Variants in DENND2A observed in about 807,000 individuals in gnomAD.
The protein encoded by DENND2A is DENN domain-containing protein 2A.
Under a neutral mutation model 105.3 loss-of-function variants are expected in DENND2A, and 53 were observed. That is an observed-to-expected ratio of 0.50 (90% CI 0.40 to 0.63). The LOEUF is 0.63. DENND2A is among the 30% of genes least tolerant of loss of function. The pLI is 0.00. For missense variants in DENND2A, 1,138 were observed against 1,279.6 expected, an observed-to-expected ratio of 0.89 and a Z score of 1.69; for synonymous variants, 522 against 508.4, an observed-to-expected ratio of 1.03 and a Z score of -0.36.
chr7:140,627,638 C>G (rs957962296), intron 1 of DENND2A, among the ~76,000 whole-genome samples: 2 of 152,024 alleles, frequency 1.3e-5, no homozygotes, highest in African/African-American at 4.8e-5. Context: ...CCTCCTGCCT[C>G]AGCCTCCCAA....
In DENND2A at chr7:140,527,607, G is replaced by T; in HGVS notation, c.2328-112C>A. 2 of 1,158,950 alleles carry T rather than the reference G, an allele frequency of 1.7e-6. No individual in the cohort carries two copies. The highest frequency in any genetic ancestry group is 2.4e-6 in the Non-Finnish European group (2 of 838,632). 71.8% of individuals were successfully genotyped at this position (1,158,950 alleles called of 1,614,324 possible). On this transcript the variant is annotated intron_variant, in intron 14 of 19. Transcript: ENST00000496613. The surrounding 1 kb of genome is among the most constrained non-coding windows in gnomAD (Gnocchi z 4.9). Reference sequence around the variant, plus strand: ...GGATGACTAGGAAAGGACACACGTGGATGTGGATCCGGTGGAGCACATGAT... The same window carrying T: ...GGATGACTAGGAAAGGACACACGTGTATGTGGATCCGGTGGAGCACATGAT...
At chr7:140,625,098 C>T (rs1219621204) in intron 1 of DENND2A, among the ~76,000 whole-genome samples, 1 of 152,110 alleles carries the variant, frequency 6.6e-6, no homozygotes, top group Non-Finnish European at 1.5e-5. Flanking sequence ...GCCATGAGGC[C>T]AGGCACGGTG....
rs1044185493 is a variant in DENND2A, at chr7:140,623,751, T to C, written c.-248+16753A>G. ...AAAAAAAAAAAGAGCATATGGAAAGTGTCACAACAGGAAGATCTGCTGAAC... is the reference window on the plus strand; with the variant it reads ...AAAAAAAAAAAGAGCATATGGAAAGCGTCACAACAGGAAGATCTGCTGAAC... On this transcript the variant is annotated intron_variant, in intron 1 of 19. Coordinates refer to ENST00000496613, the MANE Select transcript of DENND2A (RefSeq NM_015689.5). Among the ~76,000 whole-genome samples, 6 of 149,222 alleles carry C rather than the reference T, an allele frequency of 4.0e-5. No individual in the cohort carries two copies. The South Asian group carries it at 6.3e-4, about 16-fold the overall frequency.
At chr7:140,578,745 G>T (rs981391742) in intron 5 of DENND2A, among the ~76,000 whole-genome samples, 1 of 152,142 alleles carries the variant, frequency 6.6e-6, no homozygotes, top group Non-Finnish European at 1.5e-5. Context: ...GCTGGGTGTG[G>T]TAGTGGGCAC....
intron 1 of DENND2A, chr7:140,610,102 A>G (rs1030920656): frequency 6.6e-6 from 1 of 151,538 alleles, no homozygotes; most frequent in Non-Finnish European, 1.5e-5. Context: ...AGTAGCTGGG[A>G]CTACAGGCAT....
intron 7 of DENND2A, among the ~76,000 whole-genome samples, chr7:140,569,365 T>C (rs1797996188): frequency 6.6e-6 from 1 of 152,216 alleles, no homozygotes; most frequent in African/African-American, 2.4e-5. Context: ...TGGCCCCTTT[T>C]GTGCAGGCTA....
chr7:140,632,864 C>CTTTT (rs1158154967), intron 1 of DENND2A, among the ~76,000 whole-genome samples: 1 of 117,258 alleles, frequency 8.5e-6, no homozygotes, highest in Non-Finnish European at 1.8e-5. Context: ...CATGCCTGGC[C>CTTTT]TTTTTTTTTT....
At chr7:140,629,647 A>G (rs1800663027) in intron 1 of DENND2A, among the ~76,000 whole-genome samples, 1 of 152,172 alleles carries the variant, frequency 6.6e-6, no homozygotes, top group South Asian at 2.1e-4. Context: ...AGAGTGGTAC[A>G]TTCAAGAGGC....
intron 1 of DENND2A, among the ~76,000 whole-genome samples, chr7:140,607,572 C>A (rs1799739553): frequency 6.6e-6 from 1 of 152,162 alleles, no homozygotes. Context: ...GGCCCCAGGG[C>A]TTGCCCATCC....
At position 140,567,290 on chromosome 7, in the gene DENND2A, GAGAGAAAGAGAGAA is replaced by G. The variant is rs1563146484; in HGVS notation, c.1592-31_1592-18del. The G allele has an allele frequency of 4.3e-6, 5 of 1,160,892 alleles. No homozygotes were observed. The highest frequency in any genetic ancestry group is 4.0e-5 in the African/African-American group (2 of 49,750). The allele number at this position is 1,160,892 out of a possible 1,614,324, so 71.9% of individuals were successfully genotyped here. A position where few individuals can be genotyped will look rare whatever the true frequency, so the allele number is the denominator to read the frequency against. On this transcript the variant is annotated intron_variant, in intron 8 of 19. Transcript: ENST00000496613. Reference sequence around the variant, plus strand: ...GGCTGTGAGCTGGGTGAGGGAGGGAGAGAGAAAGAGAGAAAGAGAGAGAGAGAGAGAGAGAGAGA... The same window carrying G: ...GGCTGTGAGCTGGGTGAGGGAGGGAGAGAGAGAGAGAGAGAGAGAGAGAGA...
intron 14 of DENND2A, among the ~76,000 whole-genome samples, chr7:140,536,316 C>T (rs1271392766): frequency 1.3e-5 from 2 of 151,766 alleles, no homozygotes; most frequent in Non-Finnish European, 2.9e-5. Context: ...GATCATGCCA[C>T]TGCACTCCAG....
At chr7:140,577,399 C>CTT (rs60840763) in intron 5 of DENND2A, among the ~76,000 whole-genome samples, 4 of 141,960 alleles carry the variant, frequency 2.8e-5, no homozygotes, top group Non-Finnish European at 3.1e-5. Flanking sequence ...AAAACTTTTT[C>CTT]TTTTTTTTTT....
intron 4 of DENND2A, among the ~76,000 whole-genome samples, chr7:140,586,099 G>A (rs1300397086): frequency 3.9e-5 from 6 of 152,084 alleles, no homozygotes; most frequent in Non-Finnish European, 8.8e-5. Context: ...CAGGATTTCT[G>A]CTGGGACTTG....
chr7:140,568,538 G>T (rs995866512), intron 8 of DENND2A, among the ~76,000 whole-genome samples: 8 of 152,162 alleles, frequency 5.3e-5, no homozygotes, highest in African/African-American at 1.7e-4. Flanking sequence ...GGTCGCTGCC[G>T]TTACTGCAGC....
At chr7:140,587,328 G>A (rs951089995) in intron 4 of DENND2A, among the ~76,000 whole-genome samples, 2 of 152,030 alleles carry the variant, frequency 1.3e-5, no homozygotes, top group African/African-American at 2.4e-5. Flanking sequence ...AATGTCCTGC[G>A]GCCAACAGGC....
At chr7:140,580,839 G>T (rs899774359) in intron 5 of DENND2A, among the ~76,000 whole-genome samples, 1 of 151,398 alleles carries the variant, frequency 6.6e-6, no homozygotes, top group Non-Finnish European at 1.5e-5. Flanking sequence ...GTTTCACCAT[G>T]TTGGCCAGGC....
chr7:140,525,642 C>A lies in DENND2A; in HGVS notation c.2547+109G>T. On this transcript the variant is annotated intron_variant, in intron 16 of 19. Coordinates refer to ENST00000496613, the MANE Select transcript of DENND2A (RefSeq NM_015689.5). Reference sequence around the variant, plus strand: ...CCGTCCTGGGGTCACACAGCTCTGCCACCCTGCTCTGCAATCCCAAAGAGC... The same window carrying A: ...CCGTCCTGGGGTCACACAGCTCTGCAACCCTGCTCTGCAATCCCAAAGAGC... 2 of 1,023,298 alleles carry A rather than the reference C, an allele frequency of 2.0e-6. 1 individual carries two copies. The highest frequency in any genetic ancestry group is 5.9e-5 in the East Asian group (2 of 33,796). 63.4% of individuals were successfully genotyped at this position (1,023,298 alleles called of 1,614,324 possible).
At chr7:140,621,414 T>C (rs114549242) in intron 1 of DENND2A, among the ~76,000 whole-genome samples, 1,742 of 147,754 alleles carry the variant, frequency 0.012, 43 homozygotes, top group African/African-American at 0.04. Context: ...ATAGTTGTTA[T>C]ACTGTGTTGT....
Position 140,602,272 on chromosome 7 carries a change from C to T in DENND2A, c.126G>A (p.Lys42=). ...ATATCTTGTCCTTTATGTTGAGGGA[C>T]TTGTGCCGGGGTCTGGCTCTGGCAG... ...CPSARARPRH[K]SLNIKDKISE... Residue 42 remains lysine (K), a synonymous_variant, in exon 3 of 20, where the codon AAG becomes AAA. Transcript: ENST00000496613. The T allele has an allele frequency of 6.2e-7, 1 of 1,612,380 alleles. No homozygotes were observed. Among genetic ancestry groups the T allele is most frequent in the Non-Finnish European group, 8.5e-7 (1 of 1,180,020 alleles).
Sources: gnomAD v4.1 joint callset for allele counts (sites outside exome capture counted in the v4.1 genomes callset) on GRCh38, gnomAD v4.1.1 for gene constraint, Gnocchi (gnomAD v3.1) non-coding constraint, MANE v1.5 for transcripts, NCBI Gene and HGNC (gene_info 2026-07-23, HGNC 2026-07-21) for gene names.